CTNNA2: variants seen among roughly 807,000 people sequenced by gnomAD.
The protein encoded by CTNNA2 is catenin alpha-2.
In CTNNA2, 42 loss-of-function variants were observed where a neutral mutation model predicts 101.0. The ratio of observed to expected loss-of-function variants is 0.42; its 90% CI spans 0.32 to 0.54. CTNNA2 has a LOEUF of 0.54. Among genes scored for constraint, CTNNA2 ranks in the 20% least tolerant of loss-of-function variants. The pLI, the probability that CTNNA2 is intolerant of heterozygous loss-of-function variation, is 0.14. For synonymous variants in CTNNA2, 450 were observed against 456.4 expected (o/e 0.99, Z 0.18); for missense variants, 871 against 1,223.1 (o/e 0.71, Z 4.29).
chr2:79,903,696 A>G (rs1222798159), intron 6 of CTNNA2, among the ~76,000 whole-genome samples: 1 of 152,080 alleles, frequency 6.6e-6, no homozygotes, highest in Non-Finnish European at 1.5e-5. Flanking sequence ...TTGAAAGGAG[A>G]GCAGGAAAGA....
chr2:79,338,358 T>C (rs1256450476), intron 3 of CTNNA2, among the ~76,000 whole-genome samples: 3 of 151,898 alleles, frequency 2.0e-5, no homozygotes. Context: ...AAGGAGACTA[T>C]TCACAGTGAG....
intron 7 of CTNNA2, among the ~76,000 whole-genome samples, chr2:80,115,174 A>G (rs549722737): frequency 6.6e-6 from 1 of 152,308 alleles, no homozygotes; most frequent in East Asian, 1.9e-4. Flanking sequence ...ATGCTTTGTG[A>G]GCTGCCAGTT....
At chr2:80,582,949 T>G (rs1369774679) in intron 14 of CTNNA2, among the ~76,000 whole-genome samples, 1 of 152,172 alleles carries the variant, frequency 6.6e-6, no homozygotes, top group Non-Finnish European at 1.5e-5. Context: ...ATGTGCTTTA[T>G]GCCCTGATAT....
chr2:79,879,281 A>G (rs1446108598), intron 6 of CTNNA2, among the ~76,000 whole-genome samples: 1 of 151,978 alleles, frequency 6.6e-6, no homozygotes, highest in East Asian at 1.9e-4. Flanking sequence ...TTTGCTTAGG[A>G]TTGTCTTGGC....
At chr2:79,278,462 C>A (rs558432150) in intron 2 of CTNNA2, among the ~76,000 whole-genome samples, 1 of 151,978 alleles carries the variant, frequency 6.6e-6, no homozygotes, top group Non-Finnish European at 1.5e-5. Flanking sequence ...TAGCTTCAGG[C>A]CAGCAAGAGA....
intron 7 of CTNNA2, among the ~76,000 whole-genome samples, chr2:80,196,840 A>G (rs914981526): frequency 6.6e-6 from 1 of 152,160 alleles, no homozygotes; most frequent in Non-Finnish European, 1.5e-5. Context: ...TCTGCTCAAA[A>G]CTACTCCAGT....
At chr2:80,213,306 A>G (rs796309452) in intron 7 of CTNNA2, among the ~76,000 whole-genome samples, 2 of 151,952 alleles carry the variant, frequency 1.3e-5, no homozygotes. Flanking sequence ...TTGTGATGTT[A>G]GGGTGTCAAT....
rs199740936 is a variant in CTNNA2 at position 79,239,934 on chromosome 2, TTC to T, written c.-406+41860_-406+41861del. ...ACATTTAGGCCAGTTTTCTTTTTCT[TTC>T]TTTTTTTTTTTTTGAGATGGAGTTT... On this transcript the variant is annotated intron_variant, in intron 2 of 21. Coordinates refer to the CTNNA2 transcript ENST00000466387. Among the ~76,000 whole-genome samples, 656 of 97,778 alleles carry T rather than the reference TTC, an allele frequency of 6.7e-3. 42 individuals carry two copies. In the East Asian group the frequency reaches 0.097, roughly 14 times the overall value. 64.1% of individuals were successfully genotyped at this position (97,778 alleles called of 152,430 possible). A position where few individuals can be genotyped will look rare whatever the true frequency, so the allele number is the denominator to read the frequency against.
intron 7 of CTNNA2, among the ~76,000 whole-genome samples, chr2:80,062,518 G>A (rs1036992855): frequency 7.2e-5 from 11 of 152,028 alleles, no homozygotes; most frequent in Admixed American, 1.3e-4. Flanking sequence ...TAATGCTCCT[G>A]GGTAATACAT....
At chr2:80,258,916 G>A (rs776311126) in intron 7 of CTNNA2, among the ~76,000 whole-genome samples, 2 of 152,104 alleles carry the variant, frequency 1.3e-5, no homozygotes, top group African/African-American at 2.4e-5. Flanking sequence ...TCTCCTAAAC[G>A]TTACTGACAT....
intron 1 of CTNNA2, among the ~76,000 whole-genome samples, chr2:79,592,368 G>A (rs1363139037): frequency 6.6e-6 from 1 of 151,994 alleles, no homozygotes. Context: ...CTGACCTCAG[G>A]TGATCCACCC....
chr2:80,374,866 A>G (rs1315917230), intron 7 of CTNNA2, among the ~76,000 whole-genome samples: 1 of 152,102 alleles, frequency 6.6e-6, no homozygotes, highest in Non-Finnish European at 1.5e-5. Flanking sequence ...GCACTCCACA[A>G]TGTGAATTTG....
chr2:79,207,013 C>T (rs1416890889), intron 2 of CTNNA2, among the ~76,000 whole-genome samples: 1 of 152,096 alleles, frequency 6.6e-6, no homozygotes, highest in East Asian at 1.9e-4. Context: ...TTGGAAGGCC[C>T]AGTGGAGGTT....
intron 4 of CTNNA2, chr2:79,504,919 G>A (rs997498411): frequency 6.6e-6 from 1 of 152,164 alleles, no homozygotes; most frequent in African/African-American, 2.4e-5. Flanking sequence ...GGGGAATCTG[G>A]ATATTAAATT....
chr2:80,031,473 A>C (rs571747804), intron 7 of CTNNA2, among the ~76,000 whole-genome samples: 43 of 152,298 alleles, frequency 2.8e-4, no homozygotes, highest in African/African-American at 1.0e-3. Flanking sequence ...TGTGCAGGGA[A>C]ACTCACCCTT....
At chr2:79,361,038 C>A (rs963496913) in intron 3 of CTNNA2, among the ~76,000 whole-genome samples, 2 of 151,992 alleles carry the variant, frequency 1.3e-5, no homozygotes, top group Non-Finnish European at 2.9e-5. Context: ...CCTGAGGAAG[C>A]CACAAGCTCC....
chr2:79,324,427 G>T (rs1017615336), intron 3 of CTNNA2, among the ~76,000 whole-genome samples: 6 of 152,182 alleles, frequency 3.9e-5, no homozygotes, highest in Admixed American at 1.3e-4. Flanking sequence ...TGGGAGGTGT[G>T]TGAGAATCCC....
intron 7 of CTNNA2, among the ~76,000 whole-genome samples, chr2:79,953,686 A>C (rs1007760861): frequency 1.3e-5 from 2 of 152,162 alleles, no homozygotes; most frequent in Non-Finnish European, 2.9e-5. Context: ...TTTTGTGTGA[A>C]CTTAACCTCA....
At chr2:79,582,531 A>C (rs934669670) in intron 1 of CTNNA2, among the ~76,000 whole-genome samples, 1 of 152,142 alleles carries the variant, frequency 6.6e-6, no homozygotes, top group Non-Finnish European at 1.5e-5. Context: ...ATATGGGCTT[A>C]AGAAAACCTT....
Sources: allele counts gnomAD v4.1 joint callset (sites outside exome capture counted in the v4.1 genomes callset), GRCh38; gene constraint gnomAD v4.1.1; transcripts MANE v1.5; gene names NCBI Gene and HGNC (gene_info 2026-07-23, HGNC 2026-07-21).